NRXN3: variants seen among roughly 807,000 people sequenced by gnomAD.
The protein encoded by NRXN3 is neurexin 3.
NRXN3 carries 32 observed loss-of-function variants against 137.6 expected under a neutral mutation model. The observed-to-expected ratio is 0.23, with a 90% CI of 0.18 to 0.31. NRXN3 has a LOEUF of 0.31. Among genes scored for constraint, NRXN3 ranks in the 10% least tolerant of loss-of-function variants. NRXN3 has a pLI of 1.00. For missense variants in NRXN3, 1,574 were observed against 2,062.5 expected (o/e 0.76, Z 4.59); for synonymous variants, 798 against 784.5 (o/e 1.02, Z -0.29).
At chr14:79,223,423 A>T (rs1315931003) in intron 15 of NRXN3, among the ~76,000 whole-genome samples, 3 of 152,106 alleles carry the variant, frequency 2.0e-5, no homozygotes, top group Admixed American at 6.6e-5. Flanking sequence ...ATATTCTCTT[A>T]TCCTGTTCAT....
intron 8 of NRXN3, among the ~76,000 whole-genome samples, chr14:78,732,696 C>T (rs1352575871): frequency 6.6e-6 from 1 of 152,070 alleles, no homozygotes; most frequent in Non-Finnish European, 1.5e-5. Flanking sequence ...TGCTTATGAC[C>T]ATTATTTTAG....
chr14:78,345,167 G>A (rs991491119), intron 4 of NRXN3, among the ~76,000 whole-genome samples: 4 of 151,944 alleles, frequency 2.6e-5, no homozygotes, highest in South Asian at 2.1e-4. Flanking sequence ...CACTTGGGGG[G>A]CAGCTGTTAT....
At chr14:78,696,937 A>G (rs1205329287) in intron 6 of NRXN3, among the ~76,000 whole-genome samples, 1 of 152,104 alleles carries the variant, frequency 6.6e-6, no homozygotes, top group Non-Finnish European at 1.5e-5. Flanking sequence ...CCTTAGGGTT[A>G]GGGGATTAAC....
chr14:78,453,975 G>C (rs944879703), intron 4 of NRXN3, among the ~76,000 whole-genome samples: 3 of 152,168 alleles, frequency 2.0e-5, no homozygotes, highest in African/African-American at 7.2e-5. Flanking sequence ...ATGAATTTCT[G>C]TTGTTTATAT....
intron 15 of NRXN3, among the ~76,000 whole-genome samples, chr14:79,340,998 T>A (rs2092580813): frequency 6.6e-6 from 1 of 152,174 alleles, no homozygotes; most frequent in Non-Finnish European, 1.5e-5. Flanking sequence ...TAAATTAAAA[T>A]GAGAATTGCG....
chr14:78,614,209 G>T (rs1003327998), intron 4 of NRXN3, among the ~76,000 whole-genome samples: 2 of 152,170 alleles, frequency 1.3e-5, no homozygotes, highest in African/African-American at 2.4e-5. Context: ...ATTCAAGAGG[G>T]TGTCAAACAG....
At chr14:78,566,300 A>T (rs2096835094) in intron 4 of NRXN3, among the ~76,000 whole-genome samples, 1 of 152,120 alleles carries the variant, frequency 6.6e-6, no homozygotes, top group Non-Finnish European at 1.5e-5. Context: ...GTTTTCATGT[A>T]AATGTCGCTC....
intron 19 of NRXN3, among the ~76,000 whole-genome samples, chr14:79,772,575 T>C (rs985040672): frequency 2.0e-5 from 3 of 152,240 alleles, no homozygotes; most frequent in Non-Finnish European, 4.4e-5. Context: ...GCTAGCCATA[T>C]GTAGAAAGCT....
rs187834296 is a variant in NRXN3 at position 78,857,732 on chromosome 14, T to G, written c.2275+47388T>G. 1.2e-4 allele frequency among the ~76,000 whole-genome samples: 19 copies of G among 152,140 alleles called. No homozygotes were observed. The East Asian group carries it at 3.7e-3, about 30-fold the overall frequency. On this transcript the variant is annotated intron_variant, in intron 10 of 20. Coordinates refer to ENST00000335750, the MANE Select transcript of NRXN3 (RefSeq NM_001330195.2). ...ACCATCCCCAGCAGAGATAATAGGT[T>G]GAGAAGGAGCTATAAATAGGGAAAA...
At chr14:78,671,559 T>C (rs2097935516) in intron 6 of NRXN3, among the ~76,000 whole-genome samples, 1 of 152,098 alleles carries the variant, frequency 6.6e-6, no homozygotes, top group Admixed American at 6.6e-5. Flanking sequence ...AACTAAAAGT[T>C]AAAAGTATAA....
At chr14:79,643,968 A>G (rs1168604081) in intron 16 of NRXN3, among the ~76,000 whole-genome samples, 2 of 135,890 alleles carry the variant, frequency 1.5e-5, no homozygotes, top group African/African-American at 4.9e-5. Flanking sequence ...CCCACACTGT[A>G]TCCTATTTAT....
chr14:79,130,103 G>T (rs1444089596), intron 15 of NRXN3, among the ~76,000 whole-genome samples: 2 of 151,632 alleles, frequency 1.3e-5, no homozygotes, highest in Admixed American at 1.3e-4. Flanking sequence ...CCTGAATACA[G>T]CACACTGATG....
chr14:79,486,862 C>T (rs962010440), intron 16 of NRXN3, among the ~76,000 whole-genome samples: 3 of 150,834 alleles, frequency 2.0e-5, no homozygotes, highest in African/African-American at 7.4e-5. Context: ...TATTGTTAGC[C>T]TAAGTAATCT....
At chr14:79,163,933 T>C (rs1214364059) in intron 15 of NRXN3, among the ~76,000 whole-genome samples, 2 of 151,994 alleles carry the variant, frequency 1.3e-5, no homozygotes, top group Non-Finnish European at 2.9e-5. Flanking sequence ...TCTGTTTTTG[T>C]GTGATTCCTT....
intron 15 of NRXN3, among the ~76,000 whole-genome samples, chr14:79,127,727 C>A (rs1223553609): frequency 6.6e-6 from 1 of 152,066 alleles, no homozygotes; most frequent in Non-Finnish European, 1.5e-5. Context: ...TCATTGGTAG[C>A]TTTATGGGGA....
intron 4 of NRXN3, among the ~76,000 whole-genome samples, chr14:78,326,230 C>T (rs902516465): frequency 7.2e-5 from 11 of 152,120 alleles, no homozygotes; most frequent in East Asian, 1.9e-4. Context: ...GCCAGAGACA[C>T]GAGTACCTAT....
chr14:79,757,330 G>A (rs2099023164), intron 19 of NRXN3, among the ~76,000 whole-genome samples: 2 of 152,168 alleles, frequency 1.3e-5, no homozygotes, highest in African/African-American at 2.4e-5. Flanking sequence ...CAACTAGGGG[G>A]AAATAAGACC....
At chr14:78,267,419 C>T (rs1379083754) in intron 2 of NRXN3, among the ~76,000 whole-genome samples, 1 of 152,130 alleles carries the variant, frequency 6.6e-6, no homozygotes, top group Non-Finnish European at 1.5e-5. Context: ...CAGCTAGGTA[C>T]AGTGTCTCAC....
chr14:79,325,680 G>T (rs2090749127), intron 15 of NRXN3, among the ~76,000 whole-genome samples: 1 of 152,128 alleles, frequency 6.6e-6, no homozygotes, highest in Non-Finnish European at 1.5e-5. Context: ...TTTCAAGAAG[G>T]TCTTCTTCTT....
Sources: gnomAD v4.1 joint callset for allele counts (sites outside exome capture counted in the v4.1 genomes callset) on GRCh38, gnomAD v4.1.1 for gene constraint, MANE v1.5 for transcripts, NCBI Gene and HGNC (gene_info 2026-07-23, HGNC 2026-07-21) for gene names.